The following MAML2 variants were observed in gnomAD, a reference collection of about 807,000 sequenced individuals.
MAML2 encodes mastermind-like protein 2.
MAML2 carries 22 observed loss-of-function variants against 96.1 expected under a neutral mutation model. That is an observed-to-expected ratio of 0.23 (90% confidence interval 0.16 to 0.33). MAML2 has a LOEUF of 0.33. MAML2 is among the 10% of genes least tolerant of loss of function. The pLI, the probability that MAML2 is intolerant of heterozygous loss-of-function variation, is 1.00. For synonymous variants in MAML2, 561 were observed against 521.3 expected (o/e 1.08, Z -1.04); for missense variants, 1,367 against 1,392.4 (o/e 0.98, Z 0.29).
At chr11:96,143,972 G>A (rs1456044121) in intron 1 of MAML2, among the ~76,000 whole-genome samples, 1 of 152,182 alleles carries the variant, frequency 6.6e-6, no homozygotes, top group African/African-American at 2.4e-5. Context: ...GAAGATGTTA[G>A]CACAATTGCA....
At position 96,333,108 on chromosome 11, in the gene MAML2, G is replaced by A. The variant is rs1253801107; in HGVS notation, c.513+8275C>T. Among the ~76,000 whole-genome samples, 3 of 152,160 alleles carry A rather than the reference G, an allele frequency of 2.0e-5. No homozygotes were observed. In the East Asian group the frequency reaches 5.8e-4, roughly 29 times the overall value. On this transcript the variant is annotated intron_variant, in intron 1 of 4. Coordinates refer to ENST00000524717, the MANE Select transcript of MAML2 (RefSeq NM_032427.4). ...ATTTAAGGTGTTGGGCTTCATGTGGGTGACAGTTATTAGAGGGCTGGATAA... is the reference window on the plus strand; with the variant it reads ...ATTTAAGGTGTTGGGCTTCATGTGGATGACAGTTATTAGAGGGCTGGATAA...
At chr11:96,068,213 G>A (rs949625757) in intron 2 of MAML2, among the ~76,000 whole-genome samples, 3 of 152,040 alleles carry the variant, frequency 2.0e-5, no homozygotes, top group African/African-American at 7.3e-5. Flanking sequence ...GTTTTCACTA[G>A]AATCCTTAGT....
intron 1 of MAML2, among the ~76,000 whole-genome samples, chr11:96,279,207 T>C (rs935487112): frequency 6.6e-6 from 1 of 152,184 alleles, no homozygotes; most frequent in African/African-American, 2.4e-5. Flanking sequence ...CAGTTAGATA[T>C]GTAGGCTTAG....
chr11:96,059,064 A>G (rs1247958709), intron 2 of MAML2, among the ~76,000 whole-genome samples: 1 of 152,214 alleles, frequency 6.6e-6, no homozygotes, highest in Non-Finnish European at 1.5e-5. Context: ...CCTAGGTAAG[A>G]GAGTGAGACT....
At chr11:96,294,856 C>T (rs1376087981) in intron 1 of MAML2, among the ~76,000 whole-genome samples, 2 of 152,164 alleles carry the variant, frequency 1.3e-5, no homozygotes, top group African/African-American at 2.4e-5. Context: ...CACCAAGCTG[C>T]TAAGTGGCAG....
chr11:96,113,939 TTAAAAA>T (rs1262469536), intron 1 of MAML2, among the ~76,000 whole-genome samples: 2 of 151,540 alleles, frequency 1.3e-5, no homozygotes, highest in Non-Finnish European at 2.9e-5. Context: ...ACTGGAAAAA[TTAAAAA>T]TAAAAATAAA....
Position 96,019,099 on chromosome 11 carries a change from G to C in MAML2, c.2140-27376C>G, listed in dbSNP as rs186458962. Among the ~76,000 whole-genome samples the C allele has an allele frequency of 1.1e-3, 173 of 152,198 alleles. 1 individual carries two copies. The highest frequency in any genetic ancestry group is 4.0e-3 in the African/African-American group (167 of 41,522). ...AAATAGAGAGGTAGCAGAAGAAAAT[G>C]TGGAGGTTTTTTGTTTATTTTGTTT... On this transcript the variant is annotated intron_variant, in intron 2 of 4. Transcript: ENST00000524717.
intron 2 of MAML2, among the ~76,000 whole-genome samples, chr11:96,057,670 A>C (rs1172582914): frequency 6.6e-6 from 1 of 152,240 alleles, no homozygotes; most frequent in African/African-American, 2.4e-5. Context: ...ATACAGCAAC[A>C]CTTCATCTAT....
At position 96,239,574 on chromosome 11, in the gene MAML2, T is replaced by TTCTTC. The variant is rs202237168; in HGVS notation, c.513+101808_513+101809insGAAGA. Among the ~76,000 whole-genome samples, 199 of 151,634 alleles carry TTCTTC rather than the reference T, an allele frequency of 1.3e-3. 1 individual carries two copies. The highest frequency in any genetic ancestry group is 4.6e-3 in the African/African-American group (190 of 41,332). On this transcript the variant is annotated intron_variant, in intron 1 of 4. Coordinates refer to ENST00000524717, the MANE Select transcript of MAML2 (RefSeq NM_032427.4). The stretch of plus-strand genomic sequence containing the variant: ...TACTGTGAATTGATGTATCTTGAGT[T>TTCTTC]TATGTTTTTGAATTCAAAGTACAGG...
chr11:96,192,512 G>C (rs1167587177), intron 1 of MAML2, among the ~76,000 whole-genome samples: 1 of 152,184 alleles, frequency 6.6e-6, no homozygotes, highest in South Asian at 2.1e-4. Flanking sequence ...AAGAATCTAT[G>C]ATTCTAAGAA....
intron 1 of MAML2, among the ~76,000 whole-genome samples, chr11:96,300,643 A>G (rs1177546981): frequency 6.6e-6 from 1 of 152,304 alleles, no homozygotes; most frequent in East Asian, 1.9e-4. Flanking sequence ...AATGGAAAAG[A>G]GTTTTCAGTG....
chr11:96,118,916 A>G (rs985340987), intron 1 of MAML2, among the ~76,000 whole-genome samples: 8 of 152,000 alleles, frequency 5.3e-5, no homozygotes, highest in African/African-American at 1.9e-4. Context: ...TACTCTTAGT[A>G]CCTTTTTCCT....
Position 96,076,417 on chromosome 11 carries a change from GTC to G in MAML2, c.2139+15473_2139+15474del, listed in dbSNP as rs536256864. Among the ~76,000 whole-genome samples, 812 of 113,602 alleles carry G rather than the reference GTC, an allele frequency of 7.1e-3. 8 individuals carry two copies. Among genetic ancestry groups the G allele is most frequent in the Admixed American group, 0.03 (319 of 10,604 alleles). 74.5% of individuals were successfully genotyped at this position (113,602 alleles called of 152,430 possible). A position where few individuals can be genotyped will look rare whatever the true frequency, so the allele number is the denominator to read the frequency against. The stretch of plus-strand genomic sequence containing the variant: ...CAATGGGGCAAGGCTGCTCTCTTTT[GTC>G]TCTCTCTCTCTCTCACACACACACA... On this transcript the variant is annotated intron_variant, in intron 2 of 4. Transcript: ENST00000524717.
intron 2 of MAML2, among the ~76,000 whole-genome samples, chr11:96,058,611 G>A (rs577260356): frequency 1.3e-5 from 2 of 152,270 alleles, no homozygotes; most frequent in South Asian, 2.1e-4. Context: ...GAGCCATCAC[G>A]TCCGGCCCAG....
chr11:96,141,169 A>C (rs1279842918), intron 1 of MAML2, among the ~76,000 whole-genome samples: 1 of 152,142 alleles, frequency 6.6e-6, no homozygotes, highest in Non-Finnish European at 1.5e-5. Context: ...TGAGGTGCTT[A>C]CTTTTAGGCT....
chr11:96,198,767 C>T (rs1245377037), intron 1 of MAML2, among the ~76,000 whole-genome samples: 2 of 152,094 alleles, frequency 1.3e-5, no homozygotes, highest in South Asian at 4.1e-4. Context: ...TCGTACCATC[C>T]CTTACTTTTG....
intron 1 of MAML2, among the ~76,000 whole-genome samples, chr11:96,117,921 T>C (rs1264724849): frequency 1.3e-5 from 2 of 152,196 alleles, no homozygotes; most frequent in East Asian, 3.9e-4. Context: ...TTTATATATA[T>C]ACAGATCAAA....
intron 1 of MAML2, among the ~76,000 whole-genome samples, chr11:96,310,493 C>T (rs1565280357): frequency 6.6e-6 from 1 of 152,148 alleles, no homozygotes; most frequent in Non-Finnish European, 1.5e-5. Context: ...TGAGTTGAAA[C>T]ATTTCAGTAC....
intron 1 of MAML2, among the ~76,000 whole-genome samples, chr11:96,283,576 T>TCAA (rs1863099785): frequency 6.6e-6 from 1 of 152,132 alleles, no homozygotes; most frequent in Admixed American, 6.5e-5. Flanking sequence ...ACTGGAGAAA[T>TCAA]CTTTAAACAT....
Sources: allele counts gnomAD v4.1 joint callset (sites outside exome capture counted in the v4.1 genomes callset), GRCh38; gene constraint gnomAD v4.1.1; transcripts MANE v1.5; gene names NCBI Gene and HGNC (gene_info 2026-07-23, HGNC 2026-07-21).